LEPR: variants seen among roughly 807,000 people sequenced by gnomAD.
LEPR encodes OB receptor.
LEPR carries 56 observed loss-of-function variants against 114.7 expected under a neutral mutation model. The ratio of observed to expected loss-of-function variants is 0.49; its 90% confidence interval spans 0.39 to 0.61. LEPR has a LOEUF of 0.61. Ranked by LOEUF, LEPR falls within the 20% of genes least tolerant of loss-of-function variation. The pLI is 0.00. For missense variants in LEPR, 1,202 were observed against 1,352.9 expected, an observed-to-expected ratio of 0.89 and a Z score of 1.75; for synonymous variants, 443 against 461.4, an observed-to-expected ratio of 0.96 and a Z score of 0.51.
At chr1:65,542,333 C>T (rs1414509580) in intron 2 of LEPR, among the ~76,000 whole-genome samples, 1 of 151,764 alleles carries the variant, frequency 6.6e-6, no homozygotes, top group East Asian at 1.9e-4. Context: ...TAAATATCTA[C>T]ATTAATTATT....
At chr1:65,447,975 A>G (rs1646734260) in intron 2 of LEPR, among the ~76,000 whole-genome samples, 1 of 152,226 alleles carries the variant, frequency 6.6e-6, no homozygotes, top group South Asian at 2.1e-4. Flanking sequence ...GAACAAAGAC[A>G]GTAATATATA....
intron 2 of LEPR, among the ~76,000 whole-genome samples, chr1:65,431,155 T>C (rs1646476800): frequency 6.6e-6 from 1 of 152,226 alleles, no homozygotes; most frequent in African/African-American, 2.4e-5. Flanking sequence ...GACTTTATTT[T>C]TCTTGTGCTT....
intron 2 of LEPR, chr1:65,435,807 G>A (rs1408721310): frequency 5.1e-6 from 5 of 981,814 alleles, no homozygotes; most frequent in Non-Finnish European, 3.6e-6. Context: ...ATAAATATTA[G>A]TTGTGCATTT....
Position 65,570,473 on chromosome 1 carries a change from AATTT to A in LEPR, c.48_51del (p.Ile16MetfsTer2). ...ATGTGTCTTTTTAATATCCTAACAG[AATTT>A]ATTTATGTGATAACTGCGTTTAACT... On this transcript the variant is annotated frameshift_variant and splice_region_variant, in exon 4 of 20. Transcript: ENST00000349533. LOFTEE classifies it high-confidence loss of function. 1 of 1,613,116 alleles carries A rather than the reference AATTT, an allele frequency of 6.2e-7. No individual in the cohort carries two copies. The highest frequency in any genetic ancestry group is 8.5e-7 in the Non-Finnish European group (1 of 1,179,730).
rs571738192 is a variant in LEPR at position 65,633,933 on chromosome 1, G to A, written c.2674-2258G>A. The A allele has an allele frequency of 1.8e-5, 18 of 985,372 alleles. No individual in the cohort carries two copies. Among genetic ancestry groups the A allele is most frequent in the Middle Eastern group, 5.2e-4 (1 of 1,914 alleles). 61.0% of individuals were successfully genotyped at this position (985,372 alleles called of 1,614,324 possible). On this transcript the variant is annotated intron_variant, in intron 19 of 19. Coordinates refer to ENST00000349533, the MANE Select transcript of LEPR (RefSeq NM_002303.6). This position sits in a 1 kb window ranked among gnomAD's most constrained non-coding sequence, Gnocchi z 4.1. ...ATTGACGGGACCAGAAGGGAACATC[G>A]ACTTCTAATCCAGCTTTCTTGTTTA...
chr1:65,421,275 T>C (rs1646244628), intron 1 of LEPR: 2 of 1,476,550 alleles, frequency 1.4e-6, no homozygotes, highest in East Asian at 2.5e-5. Flanking sequence ...GGAGAGTAGA[T>C]TACGTGTAAT....
Position 65,498,641 on chromosome 1 carries a change from G to A in LEPR, c.-20-66905G>A, listed in dbSNP as rs538559530. 5.3e-5 allele frequency among the ~76,000 whole-genome samples: 8 copies of A among 152,030 alleles called. No individual in the cohort carries two copies. In the South Asian group the frequency reaches 1.7e-3, roughly 32 times the overall value. On this transcript the variant is annotated intron_variant, in intron 2 of 19. Transcript: ENST00000349533. ...TATTATATAAACAGAAGAAGGAAAGGCATTTATTTGGTCCTTGTTCCTTTT... is the reference window on the plus strand; with the variant it reads ...TATTATATAAACAGAAGAAGGAAAGACATTTATTTGGTCCTTGTTCCTTTT...
In LEPR at chr1:65,435,002, C is replaced by G. The variant is rs1437705609; in HGVS notation, c.-21+9624C>G. On this transcript the variant is annotated intron_variant, in intron 2 of 19. Transcript: ENST00000349533. ...GACTGCCATTCCCATGACTGCTGCACCTGCGTTTTTAGAGAATGCCTCATA... is the reference window on the plus strand; with the variant it reads ...GACTGCCATTCCCATGACTGCTGCAGCTGCGTTTTTAGAGAATGCCTCATA... The G allele has an allele frequency of 8.1e-6, 8 of 985,312 alleles. No homozygotes were observed. The Admixed American group carries it at 3.7e-4, about 45-fold the overall frequency. The allele number at this position is 985,312 out of a possible 1,614,324, so 61.0% of individuals were successfully genotyped here.
intron 7 of LEPR, among the ~76,000 whole-genome samples, chr1:65,598,095 CTTT>C (rs1226626771): frequency 1.4e-4 from 14 of 101,470 alleles, no homozygotes; most frequent in African/African-American, 5.7e-4. Context: ...CCTCCTGCCT[CTTT>C]TTTTTTTTTT....
At chr1:65,550,329 C>G (rs972542968) in intron 2 of LEPR, among the ~76,000 whole-genome samples, 3 of 152,182 alleles carry the variant, frequency 2.0e-5, no homozygotes, top group African/African-American at 7.2e-5. Flanking sequence ...CTGGGAGAAC[C>G]ACTGCTCTCT....
At chr1:65,621,573 A>T (rs777219200) in intron 18 of LEPR, 115 bp downstream of exon 18, 3 of 842,160 alleles carry the variant, frequency 3.6e-6, no homozygotes, top group Non-Finnish European at 5.8e-6. Context: ...TTTTATATGT[A>T]GTCTGTATAC....
chr1:65,443,046 A>G (rs576501662), intron 2 of LEPR, among the ~76,000 whole-genome samples: 3 of 152,106 alleles, frequency 2.0e-5, no homozygotes, highest in Non-Finnish European at 4.4e-5. Context: ...TGATATGCCA[A>G]CTCTTACCAC....
chr1:65,432,940 T>C (rs951871412), intron 2 of LEPR: 1 of 981,220 alleles, frequency 1.0e-6, no homozygotes, highest in African/African-American at 1.8e-5. Flanking sequence ...CAATATATAA[T>C]CAAAATAAAA....
At chr1:65,526,896 T>C (rs931858454) in intron 2 of LEPR, among the ~76,000 whole-genome samples, 3 of 152,248 alleles carry the variant, frequency 2.0e-5, no homozygotes, top group Non-Finnish European at 4.4e-5. Flanking sequence ...GTATTAATCT[T>C]GGCACTAGTT....
intron 2 of LEPR, among the ~76,000 whole-genome samples, chr1:65,532,337 G>A (rs1474370638): frequency 6.6e-6 from 1 of 152,154 alleles, no homozygotes; most frequent in African/African-American, 2.4e-5. Flanking sequence ...ATTTGGTGTG[G>A]TAGGGGAAAA....
At chr1:65,483,643 A>T (rs1647328893) in intron 2 of LEPR, among the ~76,000 whole-genome samples, 1 of 152,006 alleles carries the variant, frequency 6.6e-6, no homozygotes. Flanking sequence ...CTCTAATCTC[A>T]CTTGTTACTA....
intron 2 of LEPR, among the ~76,000 whole-genome samples, chr1:65,513,254 GA>G (rs1157662214): frequency 6.6e-6 from 1 of 152,176 alleles, no homozygotes; most frequent in African/African-American, 2.4e-5. Flanking sequence ...GTTAGGGAAG[GA>G]ACAGTTTCTC....
At chr1:65,549,280 A>C (rs935779715) in intron 2 of LEPR, among the ~76,000 whole-genome samples, 20 of 149,922 alleles carry the variant, frequency 1.3e-4, no homozygotes, top group South Asian at 2.1e-4. Context: ...TCTGACAATT[A>C]TGTGTCTTGG....
Position 65,420,754 on chromosome 1 carries a change from C to A in LEPR, c.-97+14C>A. On this transcript the variant is annotated intron_variant, in intron 1 of 19. Coordinates refer to ENST00000349533, the MANE Select transcript of LEPR (RefSeq NM_002303.6). The stretch of plus-strand genomic sequence containing the variant: ...CGGGCGTTAAAGGTACATCGCGGTC[C>A]CCGGCTCGCTTGTCGTGTGGTGGGG... 6.3e-7 allele frequency: 1 copy of A among 1,578,538 alleles called. No homozygotes were observed. Among genetic ancestry groups the A allele is most frequent in the South Asian group, 1.2e-5 (1 of 86,148 alleles).
Sources: allele counts gnomAD v4.1 joint callset (sites outside exome capture counted in the v4.1 genomes callset), GRCh38; gene constraint gnomAD v4.1.1; non-coding constraint Gnocchi (gnomAD v3.1); transcripts MANE v1.5; gene names NCBI Gene and HGNC (gene_info 2026-07-23, HGNC 2026-07-21).